Variants in LHX4 observed in about 807,000 individuals in gnomAD.
LHX4 encodes the protein LIM/homeobox protein Lhx4.
LHX4 carries 16 observed loss-of-function variants against 39.2 expected under a neutral mutation model. The observed-to-expected ratio is 0.41, with a 90% CI of 0.28 to 0.62. LHX4 has a LOEUF of 0.62. Ranked by LOEUF, LHX4 falls within the 20% of genes least tolerant of loss-of-function variation. The probability of loss-of-function intolerance (pLI) is 0.33; values close to 1 mark genes in which losing one functional copy is unlikely to be tolerated. For missense variants in LHX4, 439 were observed against 511.9 expected, an observed-to-expected ratio of 0.86 and a Z score of 1.37; for synonymous variants, 206 against 198.1, an observed-to-expected ratio of 1.04 and a Z score of -0.33.
At position 180,234,172 on chromosome 1, in the gene LHX4, TATATATATATATA is replaced by T. The variant is rs1664250821; in HGVS notation, c.76+3568_76+3580del. On this transcript the variant is annotated intron_variant, in intron 1 of 5. Coordinates refer to ENST00000263726, the MANE Select transcript of LHX4 (RefSeq NM_033343.4). The surrounding 1 kb of genome is among the most constrained non-coding windows in gnomAD (Gnocchi z 4.8). ...AGACACACACAACACACACAAATTA[TATATATATATATA>T]TATATATATATATATATATATATAT... 1.6e-4 allele frequency among the ~76,000 whole-genome samples: 1 copy of T among 6,088 alleles called. No homozygotes were observed. Among genetic ancestry groups the T allele is most frequent in the Non-Finnish European group, 3.4e-4 (1 of 2,920 alleles). 4.0% of individuals were successfully genotyped at this position (6,088 alleles called of 152,430 possible). A position where few individuals can be genotyped will look rare whatever the true frequency, so the allele number is the denominator to read the frequency against.
At chr1:180,247,536 A>G (rs138443418) in intron 1 of LHX4, among the ~76,000 whole-genome samples, 1 of 152,268 alleles carries the variant, frequency 6.6e-6, no homozygotes, top group East Asian at 1.9e-4. Context: ...CTATCCTGAC[A>G]TTTAGCTCAG....
At chr1:180,252,103 T>A (rs1274348415) in intron 2 of LHX4, among the ~76,000 whole-genome samples, 1 of 152,116 alleles carries the variant, frequency 6.6e-6, no homozygotes, top group Non-Finnish European at 1.5e-5. Flanking sequence ...CCACCTCCCA[T>A]CCCCAGGGGT....
Position 180,271,498 on chromosome 1 carries a change from G to A in LHX4, c.570G>A (p.Leu190=), listed in dbSNP as rs751472840. ...CTGCCCGGCACGTGAGGGAGCAGCTGTCCTCAGAGACAGGCCTGGACATGA... is the reference window on the plus strand; with the variant it reads ...CTGCCCGGCACGTGAGGGAGCAGCTATCCTCAGAGACAGGCCTGGACATGA... ...PKPARHVREQ[L]SSETGLDMRV... is the part of the protein sequence containing the mutation. The change falls in exon 4 of 6, where the codon CTG becomes CTA. Residue 190 remains leucine (L), a synonymous_variant. Transcript: ENST00000263726. 3 of 1,614,078 alleles carry A rather than the reference G, an allele frequency of 1.9e-6. No homozygotes were observed. Among genetic ancestry groups the A allele is most frequent in the Admixed American group, 1.7e-5 (1 of 60,008 alleles).
chr1:180,242,534 T>C (rs1258851548), intron 1 of LHX4, among the ~76,000 whole-genome samples: 1 of 152,136 alleles, frequency 6.6e-6, no homozygotes, highest in Admixed American at 6.5e-5. Flanking sequence ...TGAGTGTGTA[T>C]GTGAGTGCGT....
intron 1 of LHX4, among the ~76,000 whole-genome samples, chr1:180,242,888 A>G (rs560502430): frequency 6.6e-6 from 1 of 152,318 alleles, no homozygotes; most frequent in South Asian, 2.1e-4. Flanking sequence ...ATCTATGTAA[A>G]TTGCAGTTTT....
chr1:180,260,739 A>AG (rs1648080349), intron 2 of LHX4, among the ~76,000 whole-genome samples: 1 of 151,750 alleles, frequency 6.6e-6, no homozygotes, highest in Admixed American at 6.5e-5. Flanking sequence ...AGCCTCATGC[A>AG]GGGGGCTCAG....
intron 3 of LHX4, among the ~76,000 whole-genome samples, chr1:180,268,361 G>T (rs761762135): frequency 6.6e-5 from 10 of 152,244 alleles, no homozygotes; most frequent in Non-Finnish European, 1.0e-4. Context: ...AGAGACAAGA[G>T]AAACAGATGT....
intron 3 of LHX4, among the ~76,000 whole-genome samples, chr1:180,267,094 C>T (rs954922698): frequency 6.6e-6 from 1 of 152,224 alleles, no homozygotes; most frequent in African/African-American, 2.4e-5. Flanking sequence ...GTGTTCTGTT[C>T]GCCTCGCAGA....
At chr1:180,273,530 C>A (rs1329044081) in intron 5 of LHX4, 1 of 152,570 alleles carries the variant, frequency 6.6e-6, no homozygotes, top group Non-Finnish European at 1.5e-5. Flanking sequence ...GAGAGAAATT[C>A]TTTCAAGTGG....
chr1:180,233,249 G>C (rs1046026421), intron 1 of LHX4, among the ~76,000 whole-genome samples: 1 of 152,176 alleles, frequency 6.6e-6, no homozygotes, highest in African/African-American at 2.4e-5. Context: ...CCTCTTCCTC[G>C]CCACTCTGTC....
At position 180,274,614 on chromosome 1, in the gene LHX4, C is replaced by A; in HGVS notation, c.*35C>A. 1 of 1,521,100 alleles carries A rather than the reference C, an allele frequency of 6.6e-7. No individual in the cohort carries two copies. The highest frequency in any genetic ancestry group is 8.8e-7 in the Non-Finnish European group (1 of 1,138,984). 94.2% of individuals were successfully genotyped at this position (1,521,100 alleles called of 1,614,324 possible). On this transcript the variant is annotated 3_prime_UTR_variant, in exon 6 of 6. Transcript: ENST00000263726. The stretch of plus-strand genomic sequence containing the variant: ...CTCCCCACCCTACCTGCCCCCCTGG[C>A]TTGAGAGAATATCTTCAAGGATCAA...
intron 2 of LHX4, among the ~76,000 whole-genome samples, chr1:180,250,859 C>T (rs985508969): frequency 1.6e-4 from 24 of 152,190 alleles, no homozygotes; most frequent in African/African-American, 5.5e-4. Flanking sequence ...ACCCAGGAAG[C>T]GCCCACAGTG....
intron 1 of LHX4, among the ~76,000 whole-genome samples, chr1:180,235,184 G>C (rs915206468): frequency 6.6e-6 from 1 of 152,240 alleles, no homozygotes; most frequent in Non-Finnish European, 1.5e-5. Flanking sequence ...TCCCCGGTGC[G>C]CTGCAATAGA....
chr1:180,266,470 C>T lies in LHX4; in HGVS notation c.327C>T (p.Val109=). 6.2e-7 allele frequency: 1 copy of T among 1,614,262 alleles called. No homozygotes were observed. Among genetic ancestry groups the T allele is most frequent in the African/African-American group, 1.3e-5 (1 of 75,076 alleles). The part of the protein sequence containing the change: ...TQVVRKAQDF[V]YHLHCFACII... ...TGGTCCGCAAGGCCCAGGACTTTGTCTACCACCTGCACTGCTTTGCTTGCA... is the reference window on the plus strand; with the variant it reads ...TGGTCCGCAAGGCCCAGGACTTTGTTTACCACCTGCACTGCTTTGCTTGCA... Residue 109 remains valine (V), a synonymous_variant, in exon 3 of 6, where the codon GTC becomes GTT. Coordinates refer to ENST00000263726, the MANE Select transcript of LHX4 (RefSeq NM_033343.4). This position sits in a 1 kb window ranked among gnomAD's most constrained non-coding sequence, Gnocchi z 5.7.
Position 180,248,469 on chromosome 1 carries a change from G to T in LHX4, c.248+13G>T, listed in dbSNP as rs375232367. On this transcript the variant is annotated intron_variant, in intron 2 of 5. Coordinates refer to ENST00000263726, the MANE Select transcript of LHX4 (RefSeq NM_033343.4). ...AGGACTTCTTCAAGTAAGTCAGAAC[G>T]GTCCGTCTCGTGGCCCTGGCCTGTC... 5.0e-6 allele frequency: 8 copies of T among 1,613,542 alleles called. No homozygotes were observed. The highest frequency in any genetic ancestry group is 3.3e-5 in the South Asian group (3 of 91,042).
chr1:180,235,098 T>C (rs1664283081), intron 1 of LHX4, among the ~76,000 whole-genome samples: 1 of 152,230 alleles, frequency 6.6e-6, no homozygotes, highest in African/African-American at 2.4e-5. Flanking sequence ...GGTAGCCGGC[T>C]TTGCGCTTAC....
chr1:180,271,800 G>A (rs750208012), intron 4 of LHX4, 35 bp from the exon 5 acceptor site: 33 of 1,611,622 alleles, frequency 2.0e-5, no homozygotes, highest in African/African-American at 1.2e-4. Context: ...TGTGGTGGAC[G>A]CCCCCTGAGT....
intron 1 of LHX4, among the ~76,000 whole-genome samples, chr1:180,239,795 A>G (rs1046601102): frequency 2.0e-5 from 3 of 152,216 alleles, no homozygotes; most frequent in Non-Finnish European, 2.9e-5. Context: ...ATTTGAAAGT[A>G]CTTGACCAAG....
intron 1 of LHX4, among the ~76,000 whole-genome samples, chr1:180,231,671 T>G (rs1254999579): frequency 6.6e-6 from 1 of 151,602 alleles, no homozygotes; most frequent in African/African-American, 2.4e-5. Flanking sequence ...TCGCTCCGCT[T>G]GCCAAGGGGT....
Sources: gnomAD v4.1 joint callset for allele counts (sites outside exome capture counted in the v4.1 genomes callset) on GRCh38, gnomAD v4.1.1 for gene constraint, Gnocchi (gnomAD v3.1) non-coding constraint, MANE v1.5 for transcripts, NCBI Gene and HGNC (gene_info 2026-07-23, HGNC 2026-07-21) for gene names.